The following BNC2 variants were observed in gnomAD, a reference collection of about 807,000 sequenced individuals.
BNC2 encodes the protein basonuclin zinc finger protein 2.
In BNC2, 20 loss-of-function variants were observed where a neutral mutation model predicts 76.3. The ratio of observed to expected loss-of-function variants is 0.26; its 90% CI spans 0.18 to 0.38. The LOEUF (loss-of-function observed/expected upper bound fraction) is 0.38, where lower values mean the gene tolerates loss of function less well. Ranked by LOEUF, BNC2 falls within the 10% of genes least tolerant of loss-of-function variation. The pLI is 1.00. For synonymous variants in BNC2, 582 were observed against 514.8 expected (o/e 1.13, Z -1.77); for missense variants, 1,382 against 1,399.8 (o/e 0.99, Z 0.20).
At chr9:16,818,350 G>A (rs1428895792) in intron 1 of BNC2, among the ~76,000 whole-genome samples, 1 of 152,184 alleles carries the variant, frequency 6.6e-6, no homozygotes, top group Non-Finnish European at 1.5e-5. Context: ...CTTGTAGTGA[G>A]CCGACATGGC....
At chr9:16,814,063 C>T (rs1350149014) in intron 1 of BNC2, among the ~76,000 whole-genome samples, 1 of 152,178 alleles carries the variant, frequency 6.6e-6, no homozygotes, top group Non-Finnish European at 1.5e-5. Context: ...AGAATGGTGA[C>T]ACGGACCACT....
chr9:16,826,814 G>C (rs1360092537), intron 1 of BNC2, among the ~76,000 whole-genome samples: 1 of 152,092 alleles, frequency 6.6e-6, no homozygotes, highest in Non-Finnish European at 1.5e-5. Context: ...ATGAAATGAT[G>C]GATGGATAGA....
At chr9:16,522,270 G>C (rs951929505) in intron 5 of BNC2, among the ~76,000 whole-genome samples, 2 of 152,132 alleles carry the variant, frequency 1.3e-5, no homozygotes, top group Admixed American at 6.5e-5. Context: ...TGTTCTACAA[G>C]GACAAAACAT....
At chr9:16,704,296 G>A (rs1225621625) in intron 3 of BNC2, among the ~76,000 whole-genome samples, 1 of 152,200 alleles carries the variant, frequency 6.6e-6, no homozygotes, top group African/African-American at 2.4e-5. Context: ...CAGTGAATGA[G>A]ACGGCTAGAG....
At chr9:16,498,710 A>G (rs558210168) in intron 5 of BNC2, among the ~76,000 whole-genome samples, 1 of 151,914 alleles carries the variant, frequency 6.6e-6, no homozygotes, top group South Asian at 2.1e-4. Context: ...AAAGACCCCC[A>G]AAAAATTATA....
intron 3 of BNC2, among the ~76,000 whole-genome samples, chr9:16,623,936 C>T (rs898860490): frequency 1.3e-5 from 2 of 152,106 alleles, no homozygotes; most frequent in Non-Finnish European, 2.9e-5. Flanking sequence ...ACATGATTTG[C>T]TTAAATGTCA....
intron 3 of BNC2, among the ~76,000 whole-genome samples, chr9:16,687,208 T>A (rs909377048): frequency 1.2e-4 from 18 of 151,338 alleles, no homozygotes; most frequent in East Asian, 1.2e-3. Flanking sequence ...GAATTTAATT[T>A]TAAAAAAAAA....
chr9:16,490,900 G>A (rs1160971488), intron 5 of BNC2, among the ~76,000 whole-genome samples: 3 of 152,162 alleles, frequency 2.0e-5, no homozygotes, highest in South Asian at 2.1e-4. Context: ...GTTTGCGGAG[G>A]AGTGTTCCTT....
intron 3 of BNC2, among the ~76,000 whole-genome samples, chr9:16,629,407 G>T (rs1821095839): frequency 6.6e-6 from 1 of 152,184 alleles, no homozygotes; most frequent in African/African-American, 2.4e-5. Context: ...GGCCTCTGTG[G>T]TTTCTTCCTA....
chr9:16,704,503 A>G (rs759902906), intron 3 of BNC2, among the ~76,000 whole-genome samples: 3 of 151,674 alleles, frequency 2.0e-5, no homozygotes, highest in Non-Finnish European at 4.4e-5. Flanking sequence ...TTTAAATCAC[A>G]CTGAAAACCT....
intron 5 of BNC2, among the ~76,000 whole-genome samples, chr9:16,468,722 A>C (rs1010483014): frequency 7.9e-5 from 12 of 152,064 alleles, no homozygotes; most frequent in African/African-American, 2.7e-4. Flanking sequence ...TTTCCCCAAC[A>C]ACCACCAGAA....
intron 3 of BNC2, among the ~76,000 whole-genome samples, chr9:16,652,719 T>G (rs1401967794): frequency 6.6e-6 from 1 of 152,202 alleles, no homozygotes; most frequent in Non-Finnish European, 1.5e-5. Context: ...TACTGGAGTT[T>G]TTCCTCATGG....
At chr9:16,612,842 G>T (rs772141090) in intron 3 of BNC2, among the ~76,000 whole-genome samples, 18 of 152,128 alleles carry the variant, frequency 1.2e-4, no homozygotes, top group Non-Finnish European at 2.5e-4. Flanking sequence ...AGAGGCACTG[G>T]ACTCAAAGGT....
At chr9:16,846,944 C>T (rs562056837) in intron 1 of BNC2, among the ~76,000 whole-genome samples, 24 of 152,174 alleles carry the variant, frequency 1.6e-4, no homozygotes, top group Middle Eastern at 6.3e-3. Flanking sequence ...CTGGTAAAGA[C>T]AGATGTGCTT....
chr9:16,669,709 C>A (rs776009198), intron 3 of BNC2, among the ~76,000 whole-genome samples: 1 of 152,200 alleles, frequency 6.6e-6, no homozygotes, highest in Non-Finnish European at 1.5e-5. Flanking sequence ...AGAACTACTT[C>A]TTCTCTAACT....
At chr9:16,705,559 G>A (rs1292564961) in intron 3 of BNC2, among the ~76,000 whole-genome samples, 4 of 152,246 alleles carry the variant, frequency 2.6e-5, no homozygotes, top group Non-Finnish European at 4.4e-5. Context: ...TTGGGCAGAC[G>A]CCAAAGGTTC....
intron 3 of BNC2, among the ~76,000 whole-genome samples, chr9:16,702,126 T>TA (rs547416090): frequency 9.0e-4 from 137 of 152,268 alleles, no homozygotes; most frequent in African/African-American, 3.0e-3. Flanking sequence ...TAAATGAAGA[T>TA]AAAGTATTGC....
intron 5 of BNC2, among the ~76,000 whole-genome samples, chr9:16,469,607 T>A (rs1166596067): frequency 6.6e-6 from 1 of 152,122 alleles, no homozygotes; most frequent in East Asian, 1.9e-4. Context: ...GAGTGGGGCG[T>A]TGCTGAAAAG....
chr9:16,558,799 C>T (rs142940058), intron 4 of BNC2, among the ~76,000 whole-genome samples: 139 of 151,810 alleles, frequency 9.2e-4, no homozygotes, highest in Non-Finnish European at 1.8e-3. Flanking sequence ...CACGGTGGCG[C>T]GCACCTGTAG....
Sources: gnomAD v4.1 joint callset for allele counts (sites outside exome capture counted in the v4.1 genomes callset) on GRCh38, gnomAD v4.1.1 for gene constraint, MANE v1.5 for transcripts, NCBI Gene and HGNC (gene_info 2026-07-23, HGNC 2026-07-21) for gene names.